The following HIKESHI variants were observed in gnomAD, a reference collection of about 807,000 sequenced individuals.
HIKESHI encodes the protein heat shock protein nuclear import factor hikeshi.
In HIKESHI, 13 loss-of-function variants were observed where a neutral mutation model predicts 25.7. The observed-to-expected ratio is 0.51, with a 90% CI of 0.33 to 0.80. HIKESHI has a LOEUF of 0.80. HIKESHI is among the 30% of genes least tolerant of loss of function. The pLI is 0.02. For missense variants in HIKESHI, 174 were observed against 229.5 expected, an observed-to-expected ratio of 0.76 and a Z score of 1.56; for synonymous variants, 76 against 78.7, an observed-to-expected ratio of 0.97 and a Z score of 0.18.
Position 86,302,358 on chromosome 11 carries a change from G to A in HIKESHI, c.-91G>A, listed in dbSNP as rs1449740052. On this transcript the variant is annotated 5_prime_UTR_variant, in exon 1 of 5. Transcript: ENST00000278483. Reference sequence around the variant, plus strand: ...GGGCAGACACCCTCCCGCAAATTCTGGAAGGTTCTTAGTCTCGACTAGGGC... The same window carrying A: ...GGGCAGACACCCTCCCGCAAATTCTAGAAGGTTCTTAGTCTCGACTAGGGC... The A allele has an allele frequency of 1.3e-6, 2 of 1,502,350 alleles. No homozygotes were observed. Among genetic ancestry groups the A allele is most frequent in the African/African-American group, 2.8e-5 (2 of 72,136 alleles). 93.1% of individuals were successfully genotyped at this position (1,502,350 alleles called of 1,614,324 possible).
chr11:86,344,796 T>G (rs1309729529), intron 4 of HIKESHI, 75 bp downstream of exon 4: 7 of 990,324 alleles, frequency 7.1e-6, no homozygotes, highest in Non-Finnish European at 1.1e-5. Flanking sequence ...AATATATTCC[T>G]TTTTTGACAT....
At chr11:86,341,145 C>A (rs992800041) in intron 3 of HIKESHI, among the ~76,000 whole-genome samples, 1 of 152,088 alleles carries the variant, frequency 6.6e-6, no homozygotes, top group Non-Finnish European at 1.5e-5. Flanking sequence ...TATTTATTTG[C>A]TAATATAAGA....
rs1171216743 is a variant in HIKESHI at position 86,345,928 on chromosome 11, A to G, written c.*290A>G. ...CTTAAAAATAAAACCTATACCAAAC[A>G]GTAGTGTGCCAAGTACCATTGCATG... On this transcript the variant is annotated 3_prime_UTR_variant, in exon 5 of 5. Transcript: ENST00000278483. 5.1e-6 allele frequency: 1 copy of G among 197,806 alleles called. No homozygotes were observed. Among genetic ancestry groups the G allele is most frequent in the Non-Finnish European group, 1.0e-5 (1 of 98,788 alleles). 12.3% of individuals were successfully genotyped at this position (197,806 alleles called of 1,614,324 possible). A position where few individuals can be genotyped will look rare whatever the true frequency, so the allele number is the denominator to read the frequency against.
At chr11:86,304,627 T>C (rs542251498) in intron 1 of HIKESHI, among the ~76,000 whole-genome samples, 20 of 151,212 alleles carry the variant, frequency 1.3e-4, no homozygotes, top group Non-Finnish European at 2.7e-4. Flanking sequence ...GCAATTCTCA[T>C]GCCTCAGCCT....
Position 86,306,248 on chromosome 11 carries a change from C to A in HIKESHI, c.34C>A (p.Gln12Lys). The A allele has an allele frequency of 6.2e-7, 1 of 1,609,002 alleles. No individual in the cohort carries two copies. Among genetic ancestry groups the A allele is most frequent in the South Asian group, 1.1e-5 (1 of 90,722 alleles). ...FGCLVAGRLV[Q>K]TAAQQVAEDK... is the part of the protein sequence containing the mutation. ...AGACAAGTTTCTTATTTTCTAGGTG[C>A]AAACAGCTGCACAGCAAGTGGCAGA... The change falls in exon 2 of 5, where the codon CAA becomes AAA. Residue 12 changes from glutamine to lysine, a missense_variant. Transcript: ENST00000278483.
intron 4 of HIKESHI, 92 bp downstream of exon 4, chr11:86,344,813 A>C (rs1219484946): frequency 2.2e-6 from 2 of 893,582 alleles, no homozygotes; most frequent in Admixed American, 2.0e-5. Context: ...ACATTTAAAC[A>C]TATTCTTTTA....
intron 2 of HIKESHI, among the ~76,000 whole-genome samples, chr11:86,332,699 C>T (rs1173718734): frequency 6.6e-6 from 1 of 152,144 alleles, no homozygotes; most frequent in Non-Finnish European, 1.5e-5. Flanking sequence ...TAGAAGTTGG[C>T]AAACTTTTTT....
At chr11:86,333,344 T>G (rs1444993035) in intron 2 of HIKESHI, among the ~76,000 whole-genome samples, 1 of 152,112 alleles carries the variant, frequency 6.6e-6, no homozygotes, top group African/African-American at 2.4e-5. Flanking sequence ...CAGATTGGCC[T>G]GGCCAACATG....
chr11:86,325,804 G>A (rs989201629), intron 2 of HIKESHI, among the ~76,000 whole-genome samples: 3 of 151,968 alleles, frequency 2.0e-5, no homozygotes, highest in African/African-American at 4.8e-5. Context: ...CCCGGGAGGC[G>A]GAGGTTGCAG....
At chr11:86,317,697 C>G (rs1424628401) in intron 2 of HIKESHI, among the ~76,000 whole-genome samples, 1 of 151,142 alleles carries the variant, frequency 6.6e-6, no homozygotes, top group African/African-American at 2.4e-5. Flanking sequence ...TCCCAGCACT[C>G]GAGAGACTGA....
chr11:86,316,555 G>A (rs913209209), intron 2 of HIKESHI, among the ~76,000 whole-genome samples: 2 of 151,672 alleles, frequency 1.3e-5, no homozygotes, highest in African/African-American at 4.8e-5. Flanking sequence ...AAGGGGGAAA[G>A]CAAAGAAAAA....
chr11:86,318,235 C>T (rs369899928), intron 2 of HIKESHI, among the ~76,000 whole-genome samples: 21 of 131,206 alleles, frequency 1.6e-4, no homozygotes, highest in South Asian at 2.5e-4. Flanking sequence ...ACCCGGGAGA[C>T]GGAGCTTGCA....
intron 2 of HIKESHI, among the ~76,000 whole-genome samples, chr11:86,319,240 A>AT (rs1273706275): frequency 3.1e-4 from 29 of 92,970 alleles, no homozygotes; most frequent in South Asian, 1.2e-3. Flanking sequence ...ATATATATAT[A>AT]TATTTTTTTT....
At chr11:86,322,640 T>G (rs1947180562) in intron 2 of HIKESHI, among the ~76,000 whole-genome samples, 1 of 152,202 alleles carries the variant, frequency 6.6e-6, no homozygotes, top group African/African-American at 2.4e-5. Flanking sequence ...TTTTTCAGTT[T>G]GTTCTTTTCT....
At chr11:86,341,995 G>GT (rs966480419) in intron 3 of HIKESHI, among the ~76,000 whole-genome samples, 1 of 152,114 alleles carries the variant, frequency 6.6e-6, no homozygotes, top group African/African-American at 2.4e-5. Context: ...AAATGAGCCA[G>GT]TTTTTTTCAT....
At chr11:86,318,358 A>G (rs917424786) in intron 2 of HIKESHI, among the ~76,000 whole-genome samples, 31 of 150,446 alleles carry the variant, frequency 2.1e-4, no homozygotes, top group African/African-American at 6.8e-4. Flanking sequence ...AAATTAAAAT[A>G]ATTAAAATCA....
intron 3 of HIKESHI, among the ~76,000 whole-genome samples, chr11:86,338,576 G>A (rs1287462970): frequency 2.0e-5 from 3 of 152,160 alleles, no homozygotes; most frequent in Non-Finnish European, 4.4e-5. Context: ...TACTAAATAA[G>A]TCTTCTAGCA....
At chr11:86,326,124 C>G (rs1333603988) in intron 2 of HIKESHI, among the ~76,000 whole-genome samples, 4 of 151,808 alleles carry the variant, frequency 2.6e-5, no homozygotes, top group Non-Finnish European at 5.9e-5. Flanking sequence ...ATGGCAATAC[C>G]CTGTCTCTAC....
At chr11:86,326,636 C>G (rs1947289620) in intron 2 of HIKESHI, 1 of 442,592 alleles carries the variant, frequency 2.3e-6, no homozygotes, top group East Asian at 7.1e-5. Flanking sequence ...ATGAGAATCT[C>G]TCTATGGAAG....
Sources: allele counts gnomAD v4.1 joint callset (sites outside exome capture counted in the v4.1 genomes callset), GRCh38; gene constraint gnomAD v4.1.1; transcripts MANE v1.5; gene names NCBI Gene and HGNC (gene_info 2026-07-23, HGNC 2026-07-21).